Variants in MIDEAS observed in about 807,000 individuals in gnomAD.
MIDEAS encodes mitotic deacetylase-associated SANT domain protein.
A neutral mutation model predicts 102.7 loss-of-function variants in MIDEAS; 26 were observed. The observed-to-expected ratio is 0.25, with a 90% CI of 0.19 to 0.35. The LOEUF is 0.35. MIDEAS is among the 10% of genes least tolerant of loss of function. The pLI is 1.00. For missense variants in MIDEAS, 1,231 were observed against 1,435.6 expected, an observed-to-expected ratio of 0.86 and a Z score of 2.30; for synonymous variants, 585 against 591.0, an observed-to-expected ratio of 0.99 and a Z score of 0.15.
At position 73,776,992 on chromosome 14, in the gene MIDEAS, C is replaced by T. The variant is rs142594902; in HGVS notation, c.-248+10110G>A. Among the ~76,000 whole-genome samples the T allele has an allele frequency of 4.2e-3, 636 of 151,980 alleles. 5 individuals are homozygous for T. The highest frequency in any genetic ancestry group is 0.014 in the African/African-American group (594 of 41,508). On this transcript the variant is annotated intron_variant, in intron 1 of 11. Transcript: ENST00000394071. The stretch of plus-strand genomic sequence containing the variant: ...ACGCTGAGGCACAGAATAGTTTGAA[C>T]CCGGGAGGCGGAGGTTGCAGTGAGC...
intron 1 of MIDEAS, among the ~76,000 whole-genome samples, chr14:73,744,997 G>A (rs903422646): frequency 2.0e-5 from 3 of 152,170 alleles, no homozygotes; most frequent in Non-Finnish European, 4.4e-5. Flanking sequence ...GCAGACCGTT[G>A]TACCTTGGCA....
At chr14:73,776,569 C>G (rs2053690693) in intron 1 of MIDEAS, among the ~76,000 whole-genome samples, 1 of 151,362 alleles carries the variant, frequency 6.6e-6, no homozygotes, top group Admixed American at 6.6e-5. Flanking sequence ...TTTCAGTGGC[C>G]CAAGAGGGAT....
intron 1 of MIDEAS, among the ~76,000 whole-genome samples, chr14:73,746,904 G>A (rs1345752221): frequency 6.6e-6 from 1 of 152,208 alleles, no homozygotes; most frequent in Admixed American, 6.5e-5. Context: ...AGAGCTTCCA[G>A]GCCGGTGGGG....
intron 1 of MIDEAS, among the ~76,000 whole-genome samples, chr14:73,746,579 A>G (rs1380588591): frequency 6.6e-6 from 1 of 152,098 alleles, no homozygotes; most frequent in Non-Finnish European, 1.5e-5. Context: ...TCTATGCCCT[A>G]TACAGCTCCC....
At position 73,739,771 on chromosome 14, in the gene MIDEAS, G is replaced by C; in HGVS notation, c.238C>G (p.Pro80Ala). The C allele has an allele frequency of 6.2e-7, 1 of 1,613,762 alleles. No individual in the cohort carries two copies. Among genetic ancestry groups the C allele is most frequent in the Admixed American group, 1.7e-5 (1 of 60,022 alleles). The change falls in exon 2 of 13, where the codon CCT becomes GCT. Residue 80 changes from proline (P) to alanine (A), a missense_variant. Coordinates refer to ENST00000423556, the MANE Select transcript of MIDEAS (RefSeq NM_001367710.1). ...AGCATGGCTGCTGAGGTCCGCTCAG[G>C]CCCATATACCACAGAGTTCAGCAGG... ...LALLNSVVYG[P>A]ERTSAAMLSQ...
chr14:73,751,797 G>A (rs1444775898), intron 1 of MIDEAS, among the ~76,000 whole-genome samples: 4 of 152,182 alleles, frequency 2.6e-5, no homozygotes, highest in Non-Finnish European at 5.9e-5. Context: ...CTACTCGGGA[G>A]GCTGAGGCAG....
rs201556619 is a variant in MIDEAS, at chr14:73,727,537, G to C, written c.2096-13C>G. 14 of 1,596,588 alleles carry C rather than the reference G, an allele frequency of 8.8e-6. No homozygotes were observed. The Admixed American group carries it at 2.4e-4, about 28-fold the overall frequency. On this transcript the variant is annotated splice_polypyrimidine_tract_variant and intron_variant, in intron 4 of 12. Transcript: ENST00000423556. Reference sequence around the variant, plus strand: ...ACTTCAGCACTGTCTATGGGACAAAGAGCAGGTTGATAAATAGCACCCCCC... The same window carrying C: ...ACTTCAGCACTGTCTATGGGACAAACAGCAGGTTGATAAATAGCACCCCCC...
Position 73,738,844 on chromosome 14 carries a change from A to T in MIDEAS, c.1165T>A (p.Ser389Thr). 6.4e-7 allele frequency: 1 copy of T among 1,571,808 alleles called. No homozygotes were observed. The highest frequency in any genetic ancestry group is 1.2e-5 in the South Asian group (1 of 84,660). Residue 389 changes from serine to threonine, a missense_variant, in exon 2 of 13, where the codon TCC becomes ACC. Around this residue, in one of 5 missense-constraint regions of MIDEAS, gnomAD observed 758 missense variants for 856.0 expected, o/e 0.89. Transcript: ENST00000423556. Reference protein sequence around the residue: ...HWPLQQPPPGSLGQPHPEALG... With the variant: ...HWPLQQPPPGTLGQPHPEALG... ...GCTTCAGGATGGGGCTGCCCCAGGG[A>T]GCCAGGTGGCGGCTGCTGCAGGGGC...
chr14:73,733,476 C>T (rs2053163881), intron 3 of MIDEAS, among the ~76,000 whole-genome samples: 1 of 151,862 alleles, frequency 6.6e-6, no homozygotes, highest in Admixed American at 6.5e-5. Flanking sequence ...GTAGTCCCAG[C>T]TACTCAGGAG....
intron 1 of MIDEAS, among the ~76,000 whole-genome samples, chr14:73,749,627 C>A (rs2053397754): frequency 6.7e-6 from 1 of 149,514 alleles, no homozygotes; most frequent in African/African-American, 2.4e-5. Context: ...ACAAGGAACA[C>A]TCTCTACAAT....
At chr14:73,757,284 A>AAAAAAAAAAAAAAAAAC (rs1315087331) in intron 1 of MIDEAS, among the ~76,000 whole-genome samples, 1 of 149,770 alleles carries the variant, frequency 6.7e-6, no homozygotes, top group South Asian at 2.2e-4. Context: ...ACAACCAAAA[A>AAAAAAAAAAAAAAAAAC]AAAAAAAAAA....
At chr14:73,721,762 A>C in intron 10 of MIDEAS, 1 of 438,142 alleles carries the variant, frequency 2.3e-6, no homozygotes, top group Non-Finnish European at 4.1e-6. Context: ...GTCACTCCCC[A>C]TTGCCACCCA....
intron 1 of MIDEAS, among the ~76,000 whole-genome samples, chr14:73,756,295 T>TGTGTGTGTGTGTGTGTGTGTGC (rs55692592): frequency 7.1e-5 from 9 of 127,626 alleles, no homozygotes; most frequent in African/African-American, 2.4e-4. Context: ...TGTGTGTGTG[T>TGTGTGTGTGTGTGTGTGTGTGC]GCGCGCGCGC....
At chr14:73,737,658 T>C (rs2053220141) in intron 2 of MIDEAS, among the ~76,000 whole-genome samples, 1 of 151,768 alleles carries the variant, frequency 6.6e-6, no homozygotes, top group Non-Finnish European at 1.5e-5. Flanking sequence ...AAAAGATAAA[T>C]TCTGATTTGA....
chr14:73,748,233 A>G (rs2053378024), intron 1 of MIDEAS, among the ~76,000 whole-genome samples: 1 of 152,254 alleles, frequency 6.6e-6, no homozygotes, highest in South Asian at 2.1e-4. Flanking sequence ...ATGTGAATGG[A>G]TTAAATATCT....
At chr14:73,770,079 G>A (rs1381717974) in intron 1 of MIDEAS, among the ~76,000 whole-genome samples, 1 of 151,990 alleles carries the variant, frequency 6.6e-6, no homozygotes, top group Non-Finnish European at 1.5e-5. Context: ...CACAGCACCT[G>A]TATATAGAGC....
intron 1 of MIDEAS, among the ~76,000 whole-genome samples, chr14:73,767,156 C>G (rs2140164135): frequency 6.6e-6 from 1 of 152,260 alleles, no homozygotes; most frequent in East Asian, 1.9e-4. Flanking sequence ...CTCCTGGCCT[C>G]TTTCTTAGCT....
chr14:73,730,318 C>T (rs1463823697), intron 3 of MIDEAS: 1 of 420,618 alleles, frequency 2.4e-6, no homozygotes, highest in Non-Finnish European at 4.5e-6. Context: ...GGATCTGGCC[C>T]CCAGACCACA....
intron 1 of MIDEAS, among the ~76,000 whole-genome samples, chr14:73,781,251 TAC>T (rs1188367620): frequency 6.6e-6 from 1 of 152,218 alleles, no homozygotes; most frequent in Non-Finnish European, 1.5e-5. Flanking sequence ...ATGCTGTTAC[TAC>T]AGTTACTATA....
Sources: allele counts gnomAD v4.1 joint callset (sites outside exome capture counted in the v4.1 genomes callset), GRCh38; gene constraint gnomAD v4.1.1; regional missense constraint gnomAD v4.1.1; transcripts MANE v1.5; gene names NCBI Gene and HGNC (gene_info 2026-07-23, HGNC 2026-07-21).